The following GNG4 variants were observed in gnomAD, a reference collection of about 807,000 sequenced individuals.
The protein encoded by GNG4 is G protein subunit gamma 4.
GNG4 carries 4 observed loss-of-function variants against 5.8 expected under a neutral mutation model. That is an observed-to-expected ratio of 0.69 (90% confidence interval 0.34 to 1.57). The LOEUF is 1.57. GNG4 is among the 40% of genes most tolerant of loss of function. The pLI, the probability that GNG4 is intolerant of heterozygous loss-of-function variation, is 0.06. For synonymous variants in GNG4, 29 were observed against 32.9 expected (o/e 0.88, Z 0.41); for missense variants, 96 against 95.1 (o/e 1.01, Z -0.04).
At chr1:235,591,601 CACAG>C (rs1482409547) in intron 2 of GNG4, among the ~76,000 whole-genome samples, 1 of 152,218 alleles carries the variant, frequency 6.6e-6, no homozygotes, top group African/African-American at 2.4e-5. Context: ...TGCCTCCCTG[CACAG>C]ACATTCATGC....
intron 1 of GNG4, among the ~76,000 whole-genome samples, chr1:235,618,302 A>G (rs751409651): frequency 6.6e-6 from 1 of 152,148 alleles, no homozygotes; most frequent in Admixed American, 6.5e-5. Context: ...CACACACACA[A>G]AAAGTGGAAT....
At chr1:235,594,187 G>A (rs1688066355) in intron 2 of GNG4, among the ~76,000 whole-genome samples, 1 of 152,242 alleles carries the variant, frequency 6.6e-6, no homozygotes, top group South Asian at 2.1e-4. Flanking sequence ...AGCGTAGCTA[G>A]ATACAGAGTG....
intron 1 of GNG4, chr1:235,616,351 C>T (rs1179046991): frequency 7.3e-5 from 31 of 422,952 alleles, no homozygotes; most frequent in East Asian, 5.0e-4. Context: ...CCAGATTCAC[C>T]GTCATGCTGG....
At chr1:235,587,779 GGT>G (rs1391934361) in intron 2 of GNG4, among the ~76,000 whole-genome samples, 19 of 101,236 alleles carry the variant, frequency 1.9e-4, no homozygotes, top group East Asian at 7.3e-4. Context: ...GTGGGGTGGG[GGT>G]GTGTGTGTGT....
intron 1 of GNG4, among the ~76,000 whole-genome samples, chr1:235,646,751 G>C (rs1657521587): frequency 6.6e-6 from 1 of 152,172 alleles, no homozygotes; most frequent in Non-Finnish European, 1.5e-5. Flanking sequence ...CAGGGAATCT[G>C]ATTGCCCACC....
Position 235,549,616 on chromosome 1 carries a change from T to A in GNG4, c.*2493A>T, listed in dbSNP as rs974377818. ...AAGGATCTGAGGTCCTAGCGTCACA[T>A]CCAGCATACAATTCTGCTCTAGTTT... is the stretch of plus-strand genomic sequence containing the variant. On this transcript the variant is annotated 3_prime_UTR_variant, in exon 4 of 4. Transcript: ENST00000391854. 1 of 136,912 alleles carries A rather than the reference T, an allele frequency of 7.3e-6. No individual in the cohort carries two copies. The highest frequency in any genetic ancestry group is 2.5e-5 in the African/African-American group (1 of 39,360). 8.5% of individuals were successfully genotyped at this position (136,912 alleles called of 1,614,324 possible).
intron 1 of GNG4, among the ~76,000 whole-genome samples, chr1:235,596,171 C>G (rs1056474686): frequency 1.3e-5 from 2 of 148,446 alleles, no homozygotes; most frequent in African/African-American, 5.0e-5. Flanking sequence ...GAGACTCTGT[C>G]TCAAAAACAA....
intron 3 of GNG4, among the ~76,000 whole-genome samples, chr1:235,582,449 G>A (rs1379004719): frequency 2.0e-5 from 3 of 152,186 alleles, no homozygotes; most frequent in Non-Finnish European, 4.4e-5. Context: ...AGTCTTCCCT[G>A]AGCCATACGG....
At chr1:235,607,091 A>G (rs1241180729) in intron 1 of GNG4, among the ~76,000 whole-genome samples, 1 of 151,270 alleles carries the variant, frequency 6.6e-6, no homozygotes, top group African/African-American at 2.4e-5. Context: ...GGTGCGCACC[A>G]CCACACCCAG....
intron 1 of GNG4, among the ~76,000 whole-genome samples, chr1:235,643,128 C>T (rs765786095): frequency 2.6e-5 from 4 of 152,204 alleles, no homozygotes; most frequent in African/African-American, 4.8e-5. Flanking sequence ...CACAGCCAGA[C>T]GGCCAAGGTG....
chr1:235,648,209 C>A lies in GNG4; in HGVS notation c.-123+1453G>T, dbSNP rs1201945969. Reference sequence around the variant, plus strand: ...ATGGAGGTGGGGGCCAACAGGAAGTCCATTGTCCTAAATAGTCATTTCAGC... The same window carrying A: ...ATGGAGGTGGGGGCCAACAGGAAGTACATTGTCCTAAATAGTCATTTCAGC... On this transcript the variant is annotated intron_variant, in intron 1 of 3. Transcript: ENST00000391854. The surrounding 1 kb of genome is among the most constrained non-coding windows in gnomAD (Gnocchi z 5.0). 6.6e-6 allele frequency among the ~76,000 whole-genome samples: 1 copy of A among 152,098 alleles called. No individual in the cohort carries two copies. The highest frequency in any genetic ancestry group is 2.4e-5 in the African/African-American group (1 of 41,386).
intron 2 of GNG4, among the ~76,000 whole-genome samples, chr1:235,589,610 T>C (rs1217945839): frequency 6.6e-6 from 1 of 152,168 alleles, no homozygotes; most frequent in Admixed American, 6.5e-5. Context: ...TTTGGTATAG[T>C]TGTGAACCTG....
At chr1:235,606,826 G>A (rs1688370263) in intron 1 of GNG4, among the ~76,000 whole-genome samples, 1 of 152,008 alleles carries the variant, frequency 6.6e-6, no homozygotes, top group Non-Finnish European at 1.5e-5. Flanking sequence ...TGGGCTGCGT[G>A]CAGAGCCTTT....
intron 1 of GNG4, among the ~76,000 whole-genome samples, chr1:235,603,234 A>T (rs1390370301): frequency 6.7e-6 from 1 of 149,402 alleles, no homozygotes; most frequent in African/African-American, 2.5e-5. Flanking sequence ...ACAGAGCAAG[A>T]CTCTATCTCA....
At chr1:235,636,256 G>A (rs1558505218) in intron 1 of GNG4, among the ~76,000 whole-genome samples, 1 of 152,232 alleles carries the variant, frequency 6.6e-6, no homozygotes, top group Non-Finnish European at 1.5e-5. Flanking sequence ...GAAGTGCAAA[G>A]AGGAATTTTG....
In GNG4 at chr1:235,597,690, A is replaced by C. The variant is rs1449052771; in HGVS notation, c.-122-2179T>G. The stretch of plus-strand genomic sequence containing the variant: ...GCCCAGGCTGGAGTGCAATGGTGCG[A>C]TCTCAGCTCACTGCAAACTCTACCT... On this transcript the variant is annotated intron_variant, in intron 1 of 3. Transcript: ENST00000391854. 4.9e-5 allele frequency among the ~76,000 whole-genome samples: 7 copies of C among 141,842 alleles called. No homozygotes were observed. The East Asian group carries it at 1.4e-3, about 29-fold the overall frequency. The allele number at this position is 141,842 out of a possible 152,430, so 93.1% of individuals were successfully genotyped here.
chr1:235,609,635 G>A (rs750431962), intron 1 of GNG4, among the ~76,000 whole-genome samples: 4 of 152,044 alleles, frequency 2.6e-5, no homozygotes, highest in Non-Finnish European at 4.4e-5. Flanking sequence ...TTTCCTGGCC[G>A]GGCGCAGTGG....
At chr1:235,561,252 G>A (rs1325237380) in intron 3 of GNG4, among the ~76,000 whole-genome samples, 3 of 151,972 alleles carry the variant, frequency 2.0e-5, no homozygotes, top group Admixed American at 6.6e-5. Context: ...CTCGTGATCC[G>A]CCCACCTCGG....
intron 2 of GNG4, among the ~76,000 whole-genome samples, chr1:235,591,057 G>A (rs1425065693): frequency 2.6e-5 from 4 of 152,202 alleles, no homozygotes; most frequent in African/African-American, 9.7e-5. Flanking sequence ...TGAGTAGCAA[G>A]GCTCTGAATC....
Sources: gnomAD v4.1 joint callset for allele counts (sites outside exome capture counted in the v4.1 genomes callset) on GRCh38, gnomAD v4.1.1 for gene constraint, Gnocchi (gnomAD v3.1) non-coding constraint, MANE v1.5 for transcripts, NCBI Gene and HGNC (gene_info 2026-07-23, HGNC 2026-07-21) for gene names.